EPS15: variants seen among roughly 807,000 people sequenced by gnomAD.
EPS15 encodes the protein epidermal growth factor receptor substrate 15.
EPS15 carries 72 observed loss-of-function variants against 113.8 expected under a neutral mutation model. That is an observed-to-expected ratio of 0.63 (90% CI 0.52 to 0.77). The LOEUF (loss-of-function observed/expected upper bound fraction) is 0.77, where lower values mean the gene tolerates loss of function less well. EPS15 is among the 30% of genes least tolerant of loss of function. The pLI, the probability that EPS15 is intolerant of heterozygous loss-of-function variation, is 0.00. For missense variants in EPS15, 1,048 were observed against 1,045.8 expected (o/e 1.00, Z -0.03); for synonymous variants, 344 against 363.4 (o/e 0.95, Z 0.61).
chr1:51,434,461 C>T (rs1382372931), intron 12 of EPS15, among the ~76,000 whole-genome samples: 1 of 152,056 alleles, frequency 6.6e-6, no homozygotes, highest in Non-Finnish European at 1.5e-5. Flanking sequence ...ACAAATATCT[C>T]ACGATTCTGC....
intron 1 of EPS15, among the ~76,000 whole-genome samples, chr1:51,512,032 G>A (rs985095725): frequency 6.6e-6 from 1 of 152,130 alleles, no homozygotes; most frequent in Admixed American, 6.5e-5. Flanking sequence ...TCATTTGAAA[G>A]CCTTATTTAT....
At chr1:51,383,408 T>G (rs2148385007) in intron 21 of EPS15, among the ~76,000 whole-genome samples, 1 of 152,334 alleles carries the variant, frequency 6.6e-6, no homozygotes, top group Middle Eastern at 3.4e-3. Flanking sequence ...GGACCGGTTT[T>G]GTGGAAGACA....
chr1:51,449,691 T>C (rs1301966195), intron 8 of EPS15, among the ~76,000 whole-genome samples: 1 of 151,188 alleles, frequency 6.6e-6, no homozygotes, highest in Non-Finnish European at 1.5e-5. Context: ...GAAGACAGAG[T>C]TATTACTCAA....
chr1:51,441,108 T>C (rs1219526347), intron 11 of EPS15, among the ~76,000 whole-genome samples: 1 of 152,100 alleles, frequency 6.6e-6, no homozygotes, highest in Non-Finnish European at 1.5e-5. Flanking sequence ...CTGGGTTTAT[T>C]CTGGGTCCTG....
At chr1:51,384,298 CTTTTTTTTTT>C (rs67265512) in intron 21 of EPS15, among the ~76,000 whole-genome samples, 1 of 99,530 alleles carries the variant, frequency 1.0e-5, no homozygotes, top group Non-Finnish European at 1.9e-5. Context: ...TTCTTTCTTT[CTTTTTTTTTT>C]TTTTTTTTTT....
At chr1:51,407,419 G>A (rs775547715) in intron 15 of EPS15, among the ~76,000 whole-genome samples, 1 of 152,080 alleles carries the variant, frequency 6.6e-6, no homozygotes, top group African/African-American at 2.4e-5. Flanking sequence ...GGCTGGTCTC[G>A]AACTCCCGGC....
At chr1:51,516,941 G>A (rs1644730004) in intron 1 of EPS15, among the ~76,000 whole-genome samples, 1 of 152,200 alleles carries the variant, frequency 6.6e-6, no homozygotes, top group South Asian at 2.1e-4. Context: ...GTATGCCTAT[G>A]TCTAAATGTG....
intron 13 of EPS15, among the ~76,000 whole-genome samples, chr1:51,413,249 A>T (rs951090251): frequency 6.6e-6 from 1 of 152,192 alleles, no homozygotes; most frequent in Non-Finnish European, 1.5e-5. Flanking sequence ...CGTCTGACTC[A>T]TCTTGGGCTT....
intron 12 of EPS15, among the ~76,000 whole-genome samples, chr1:51,425,619 T>C (rs980127031): frequency 3.9e-5 from 6 of 152,204 alleles, no homozygotes; most frequent in Admixed American, 1.3e-4. Flanking sequence ...CATTTCACCA[T>C]AAAAATGGTA....
chr1:51,453,576 G>C (rs147440637), intron 8 of EPS15, among the ~76,000 whole-genome samples: 27 of 152,156 alleles, frequency 1.8e-4, no homozygotes, highest in Non-Finnish European at 2.8e-4. Flanking sequence ...AAACATACTA[G>C]CAAGTGCATT....
At chr1:51,377,281 A>G (rs1260183720) in intron 21 of EPS15, among the ~76,000 whole-genome samples, 2 of 152,188 alleles carry the variant, frequency 1.3e-5, no homozygotes, top group Admixed American at 1.3e-4. Context: ...AACAAAACAA[A>G]AACAGTGTGA....
chr1:51,431,027 C>CACACACACACACAA (rs1491306539), intron 12 of EPS15, among the ~76,000 whole-genome samples: 2 of 96,038 alleles, frequency 2.1e-5, no homozygotes, highest in Non-Finnish European at 4.2e-5. Flanking sequence ...CACACACACA[C>CACACACACACACAA]AAAAATAAAA....
intron 10 of EPS15, among the ~76,000 whole-genome samples, chr1:51,445,265 T>C (rs1475612751): frequency 6.6e-6 from 1 of 152,232 alleles, no homozygotes; most frequent in Non-Finnish European, 1.5e-5. Flanking sequence ...CAGGAGCCTC[T>C]AATCTGGGTT....
chr1:51,518,240 T>G (rs1644762404), intron 1 of EPS15: 1 of 152,402 alleles, frequency 6.6e-6, no homozygotes, highest in South Asian at 2.1e-4. Flanking sequence ...AGGGACCAGG[T>G]TCCCAGTGTG....
At chr1:51,360,459 T>C (rs1646357019) in intron 24 of EPS15, among the ~76,000 whole-genome samples, 1 of 152,216 alleles carries the variant, frequency 6.6e-6, no homozygotes, top group Non-Finnish European at 1.5e-5. Flanking sequence ...TGTGATTTTA[T>C]AGGCCCTGCT....
intron 12 of EPS15, among the ~76,000 whole-genome samples, chr1:51,429,194 G>GA (rs1651487848): frequency 1.3e-5 from 2 of 152,148 alleles, no homozygotes; most frequent in South Asian, 4.1e-4. Context: ...GTATGGGACT[G>GA]AAGTAAGTTG....
intron 2 of EPS15, among the ~76,000 whole-genome samples, chr1:51,473,858 T>C (rs1029032596): frequency 2.6e-5 from 4 of 152,072 alleles, no homozygotes; most frequent in African/African-American, 9.7e-5. Context: ...TGGTACAACA[T>C]GGGAAAAATC....
At chr1:51,426,365 G>A (rs1651198712) in intron 12 of EPS15, among the ~76,000 whole-genome samples, 1 of 147,958 alleles carries the variant, frequency 6.8e-6, no homozygotes, top group Non-Finnish European at 1.5e-5. Context: ...ATGAGCCTGT[G>A]ACCAATGCCA....
intron 12 of EPS15, among the ~76,000 whole-genome samples, chr1:51,426,557 T>G (rs1270763652): frequency 1.3e-5 from 2 of 151,396 alleles, no homozygotes; most frequent in African/African-American, 4.9e-5. Flanking sequence ...GTGAAGGTAT[T>G]TTTTAGGTGA....
Sources: gnomAD v4.1 joint callset for allele counts (sites outside exome capture counted in the v4.1 genomes callset) on GRCh38, gnomAD v4.1.1 for gene constraint, MANE v1.5 for transcripts, NCBI Gene and HGNC (gene_info 2026-07-23, HGNC 2026-07-21) for gene names.